MCF2L: variants seen among roughly 807,000 people sequenced by gnomAD.
The protein encoded by MCF2L is guanine nucleotide exchange factor DBS.
In MCF2L, 97 loss-of-function variants were observed where a neutral mutation model predicts 153.4. That is an observed-to-expected ratio of 0.63 (90% CI 0.54 to 0.75). The LOEUF is 0.75. Ranked by LOEUF, MCF2L falls within the 30% of genes least tolerant of loss-of-function variation. MCF2L has a pLI of 0.00. For missense variants in MCF2L, 1,347 were observed against 1,495.2 expected, an observed-to-expected ratio of 0.90 and a Z score of 1.64; for synonymous variants, 659 against 632.2, an observed-to-expected ratio of 1.04 and a Z score of -0.64.
intron 2 of MCF2L, among the ~76,000 whole-genome samples, chr13:112,952,622 G>A (rs999783682): frequency 4.6e-5 from 7 of 152,128 alleles, no homozygotes; most frequent in Middle Eastern, 3.2e-3. Flanking sequence ...TATCTGGTGG[G>A]GAGAATCTGA....
chr13:113,013,308 GC>G (rs1482208436), intron 1 of MCF2L, among the ~76,000 whole-genome samples: 4 of 152,172 alleles, frequency 2.6e-5, no homozygotes, highest in African/African-American at 9.7e-5. Flanking sequence ...ATGGGTCTGT[GC>G]CCTGAGCTCG....
intron 1 of MCF2L, among the ~76,000 whole-genome samples, chr13:112,998,267 G>A (rs1407372786): frequency 6.6e-6 from 1 of 152,192 alleles, no homozygotes; most frequent in Non-Finnish European, 1.5e-5. Context: ...GAACTTAAAC[G>A]TGTGAAAAAG....
intron 2 of MCF2L, among the ~76,000 whole-genome samples, chr13:112,953,206 G>T (rs1252118316): frequency 6.6e-6 from 1 of 152,206 alleles, no homozygotes; most frequent in Non-Finnish European, 1.5e-5. Context: ...GAACTGGAAG[G>T]TACGTTTCCA....
intron 2 of MCF2L, among the ~76,000 whole-genome samples, chr13:112,922,099 G>C (rs1032221279): frequency 6.6e-6 from 1 of 152,224 alleles, no homozygotes; most frequent in African/African-American, 2.4e-5. Context: ...AGCTGGAAAC[G>C]TGTGGGCCGG....
rs1329382651 is a variant in MCF2L at position 112,960,758 on chromosome 13, G to A, written c.170-54005G>A. Among the ~76,000 whole-genome samples the A allele has an allele frequency of 1.3e-5, 2 of 152,262 alleles. No individual in the cohort carries two copies. The highest frequency in any genetic ancestry group is 3.4e-3 in the Middle Eastern group (1 of 294). ...CTCGCCCTGTCCAGCCCCAGGTGCT[G>A]CCTGCATTCCTGGGCTCATGGCCGC... On this transcript the variant is annotated intron_variant, in intron 2 of 29. Transcript: ENST00000375608. This position sits in a 1 kb window ranked among gnomAD's most constrained non-coding sequence, Gnocchi z 4.2.
intron 2 of MCF2L, among the ~76,000 whole-genome samples, chr13:112,961,521 G>A (rs994801438): frequency 6.6e-6 from 1 of 152,226 alleles, no homozygotes; most frequent in East Asian, 1.9e-4. Context: ...CAGGCCTGGT[G>A]GGACTGGCCC....
Position 112,983,038 on chromosome 13 carries a change from G to A in MCF2L, c.79+13580G>A, listed in dbSNP as rs539551277. Among the ~76,000 whole-genome samples the A allele has an allele frequency of 2.8e-3, 421 of 152,236 alleles. No individual in the cohort carries two copies. Among genetic ancestry groups the A allele is most frequent in the African/African-American group, 9.5e-3 (395 of 41,540 alleles). On this transcript the variant is annotated intron_variant, in intron 1 of 29. Coordinates refer to ENST00000535094, the MANE Select transcript of MCF2L (RefSeq NM_001112732.3). The surrounding 1 kb of genome is among the most constrained non-coding windows in gnomAD (Gnocchi z 4.0). ...GGGGAGGTTGGGGAAAGCACTTCCT[G>A]ATGCCTTTGGGTGTGGAAAGTGGTG... is the stretch of plus-strand genomic sequence containing the variant.
chr13:113,078,333 T>C (rs1594953577), intron 13 of MCF2L, 30 bp from the exon 14 acceptor site: 3 of 1,587,500 alleles, frequency 1.9e-6, no homozygotes, highest in Non-Finnish European at 2.6e-6. Flanking sequence ...CAGAGGGGAC[T>C]TCATGCCCCG....
intron 16 of MCF2L, among the ~76,000 whole-genome samples, chr13:113,081,557 G>A (rs1015142487): frequency 1.3e-5 from 2 of 152,240 alleles, no homozygotes; most frequent in Non-Finnish European, 2.9e-5. Flanking sequence ...CACACACATC[G>A]TCACCAACAC....
At chr13:113,014,946 G>C in intron 2 of MCF2L, 100 bp downstream of exon 2, 1 of 1,001,690 alleles carries the variant, frequency 1.0e-6, no homozygotes, top group Admixed American at 1.9e-5. Flanking sequence ...AGCTGGGAAG[G>C]GTCATGCGAG....
chr13:113,017,110 G>T (rs1022906901), intron 2 of MCF2L, among the ~76,000 whole-genome samples: 1 of 152,240 alleles, frequency 6.6e-6, no homozygotes, highest in Non-Finnish European at 1.5e-5. Flanking sequence ...GAAGCCTGTG[G>T]CAGCCTCGGG....
intron 2 of MCF2L, among the ~76,000 whole-genome samples, chr13:113,017,537 A>G (rs2084609908): frequency 6.6e-6 from 1 of 152,262 alleles, no homozygotes; most frequent in South Asian, 2.1e-4. Context: ...AGTCATGTTT[A>G]CAGGCTCCTG....
rs1376532711 is a variant in MCF2L at position 113,087,570 on chromosome 13, A to G, written c.2595+114A>G. On this transcript the variant is annotated intron_variant, in intron 22 of 29. Coordinates refer to ENST00000535094, the MANE Select transcript of MCF2L (RefSeq NM_001112732.3). ...ACACCCAGCTCTCAGCCTTAGGTGT[A>G]GGGGTGGGGTATTCTGCCATTCTTA... The G allele has an allele frequency of 1.1e-5, 12 of 1,104,244 alleles. 1 individual carries two copies. The highest frequency in any genetic ancestry group is 1.6e-5 in the Non-Finnish European group (12 of 754,016). 68.4% of individuals were successfully genotyped at this position (1,104,244 alleles called of 1,614,324 possible).
intron 1 of MCF2L, among the ~76,000 whole-genome samples, chr13:112,994,080 G>A (rs1033013745): frequency 7.2e-5 from 11 of 152,306 alleles, no homozygotes; most frequent in Middle Eastern, 3.4e-3. Context: ...ACCTTCATGC[G>A]GGGTGCGGCG....
intron 1 of MCF2L, chr13:112,894,467 G>A (rs1398922631): frequency 1.3e-5 from 2 of 151,586 alleles, no homozygotes; most frequent in Non-Finnish European, 2.9e-5. Flanking sequence ...GGGGCGCGGG[G>A]GTGACGGGAG....
chr13:112,902,511 G>T (rs1019928718), intron 2 of MCF2L: 29 of 894,448 alleles, frequency 3.2e-5, no homozygotes, highest in African/African-American at 5.0e-5. Context: ...CAGGTAGCAG[G>T]CTGTGGGAGG....
At chr13:113,055,385 CACACACACACACACACA>C (rs2087683361) in intron 4 of MCF2L, among the ~76,000 whole-genome samples, 1 of 8,930 alleles carries the variant, frequency 1.1e-4, no homozygotes, top group Non-Finnish European at 2.6e-4. Context: ...CCCCCCGCCA[CACACACACACACACACA>C]CACACACACA....
intron 5 of MCF2L, 26 bp downstream of exon 5, chr13:113,060,738 C>A: frequency 6.2e-7 from 1 of 1,609,758 alleles, no homozygotes; most frequent in Non-Finnish European, 8.5e-7. Context: ...CTCCATCCTG[C>A]GGTAGCAGAA....
At chr13:113,003,291 C>T (rs527535917) in intron 1 of MCF2L, among the ~76,000 whole-genome samples, 76 of 144,364 alleles carry the variant, frequency 5.3e-4, no homozygotes, top group African/African-American at 1.8e-3. Context: ...TGGAAGGCTT[C>T]GGGGTGAGTA....
Sources: gnomAD v4.1 joint callset for allele counts (sites outside exome capture counted in the v4.1 genomes callset) on GRCh38, gnomAD v4.1.1 for gene constraint, Gnocchi (gnomAD v3.1) non-coding constraint, MANE v1.5 for transcripts, NCBI Gene and HGNC (gene_info 2026-07-23, HGNC 2026-07-21) for gene names.